INPP4B: variants seen among roughly 807,000 people sequenced by gnomAD.
INPP4B encodes inositol polyphosphate-4-phosphatase type II B, also known as inositol polyphosphate 4-phosphatase type II.
INPP4B carries 55 observed loss-of-function variants against 122.5 expected under a neutral mutation model. The ratio of observed to expected loss-of-function variants is 0.45; its 90% CI spans 0.36 to 0.56. The LOEUF is 0.56. Ranked by LOEUF, INPP4B falls within the 20% of genes least tolerant of loss-of-function variation. The pLI is 0.00. For missense variants in INPP4B, 1,000 were observed against 1,097.7 expected (o/e 0.91, Z 1.26); for synonymous variants, 403 against 388.7 (o/e 1.04, Z -0.43).
chr4:142,606,946 T>G (rs1741393834), intron 2 of INPP4B, among the ~76,000 whole-genome samples: 1 of 151,966 alleles, frequency 6.6e-6, no homozygotes. Flanking sequence ...TAATGCATAA[T>G]CATTATAGAA....
rs998223449 is a variant in INPP4B at position 142,410,615 on chromosome 4, AT to A, written c.137-5292del. 4.3e-4 allele frequency among the ~76,000 whole-genome samples: 65 copies of A among 152,216 alleles called. 2 individuals are homozygous for A. Among genetic ancestry groups the A allele is most frequent in the Admixed American group, 1.8e-3 (28 of 15,298 alleles). On this transcript the variant is annotated intron_variant, in intron 5 of 25. Coordinates refer to ENST00000262992, the MANE Select transcript of INPP4B (RefSeq NM_001101669.3). ...ACCATAGTGTATGGAGGATAAAGAA[AT>A]TTTTTTTAACTTAAGATAAAACCTT...
At chr4:142,759,825 T>TAAA (rs70949188) in intron 1 of INPP4B, among the ~76,000 whole-genome samples, 1,559 of 70,022 alleles carry the variant, frequency 0.022, 61 homozygotes, top group Admixed American at 0.06. Flanking sequence ...GAGCTTTTTC[T>TAAA]AAAAAAAAAA....
chr4:142,712,200 A>C (rs1035634408), intron 2 of INPP4B, among the ~76,000 whole-genome samples: 16 of 152,138 alleles, frequency 1.1e-4, no homozygotes, highest in African/African-American at 3.9e-4. Context: ...CAGCTTCTAG[A>C]ATTGTTAGAA....
Position 142,373,180 on chromosome 4 carries a change from G to A in INPP4B, c.372+29758C>T, listed in dbSNP as rs557083121. Reference sequence around the variant, plus strand: ...GATTGAAGAGCCAAGTCCTGTATGTGTCATAAATTCTATTTTTGCATCTTT... The same window carrying A: ...GATTGAAGAGCCAAGTCCTGTATGTATCATAAATTCTATTTTTGCATCTTT... On this transcript the variant is annotated intron_variant, in intron 7 of 25. Coordinates refer to ENST00000262992, the MANE Select transcript of INPP4B (RefSeq NM_001101669.3). 2.3e-4 allele frequency among the ~76,000 whole-genome samples: 35 copies of A among 152,108 alleles called. 1 individual carries two copies. The South Asian group carries it at 6.6e-3, about 29-fold the overall frequency.
At chr4:142,612,411 T>A (rs1009940523) in intron 2 of INPP4B, among the ~76,000 whole-genome samples, 1 of 152,234 alleles carries the variant, frequency 6.6e-6, no homozygotes, top group Non-Finnish European at 1.5e-5. Context: ...CCATTCTTTA[T>A]GTCTTAGTCC....
Position 142,782,745 on chromosome 4 carries a change from C to T in INPP4B, c.-253-56844G>A, listed in dbSNP as rs557502086. 2.9e-4 allele frequency among the ~76,000 whole-genome samples: 44 copies of T among 152,260 alleles called. 1 individual carries two copies. The highest frequency in any genetic ancestry group is 6.8e-3 in the Middle Eastern group (2 of 294). ...TCTCTGATGGCCAGTGATGGTGTCA[C>T]GCTACCTGACTTCAAACTATACTAC... On this transcript the variant is annotated intron_variant, in intron 1 of 25. Coordinates refer to ENST00000262992, the MANE Select transcript of INPP4B (RefSeq NM_001101669.3).
chr4:142,248,518 T>A (rs185660580), intron 11 of INPP4B, among the ~76,000 whole-genome samples: 1 of 152,046 alleles, frequency 6.6e-6, no homozygotes, highest in East Asian at 1.9e-4. Context: ...TTTGTATTTT[T>A]AGTAGAGACG....
At chr4:142,656,508 T>C (rs146435643) in intron 2 of INPP4B, among the ~76,000 whole-genome samples, 172 of 152,260 alleles carry the variant, frequency 1.1e-3, no homozygotes, top group African/African-American at 3.9e-3. Flanking sequence ...TCCTTCCTTT[T>C]TCGGGACTCA....
intron 2 of INPP4B, chr4:142,496,788 C>T (rs1243668142): frequency 6.6e-6 from 1 of 152,128 alleles, no homozygotes; most frequent in African/African-American, 2.4e-5. Context: ...CACATCTCTG[C>T]TTCAGTTCAT....
intron 7 of INPP4B, among the ~76,000 whole-genome samples, chr4:142,386,658 C>T (rs1796063829): frequency 6.6e-6 from 1 of 152,222 alleles, no homozygotes; most frequent in South Asian, 2.1e-4. Context: ...CCGTACCTCA[C>T]TTCTGATATC....
chr4:142,522,804 A>G (rs1826275387), intron 2 of INPP4B, among the ~76,000 whole-genome samples: 1 of 152,076 alleles, frequency 6.6e-6, no homozygotes, highest in East Asian at 1.9e-4. Context: ...CTTACTACAA[A>G]TGAATTTCTT....
At chr4:142,435,450 A>C (rs754324941) in intron 3 of INPP4B, among the ~76,000 whole-genome samples, 10 of 102,198 alleles carry the variant, frequency 9.8e-5, no homozygotes, top group African/African-American at 8.2e-4. Context: ...CCTTTAAGAT[A>C]AAAAAAAAAG....
intron 1 of INPP4B, among the ~76,000 whole-genome samples, chr4:142,726,448 C>T (rs1320271668): frequency 1.3e-5 from 2 of 152,134 alleles, no homozygotes; most frequent in African/African-American, 4.8e-5. Flanking sequence ...AATTTCAGAG[C>T]TTTTCTATGC....
At chr4:142,059,713 G>A (rs949911203) in intron 25 of INPP4B, among the ~76,000 whole-genome samples, 3 of 152,020 alleles carry the variant, frequency 2.0e-5, no homozygotes, top group African/African-American at 7.2e-5. Flanking sequence ...ATCAACCAAG[G>A]TCAGCCTACA....
chr4:142,030,234 G>A, intron 25 of INPP4B: 1 of 1,535,566 alleles, frequency 6.5e-7, no homozygotes, highest in Non-Finnish European at 8.7e-7. Flanking sequence ...TCGAGAAGTT[G>A]GCTTGTTATC....
intron 2 of INPP4B, among the ~76,000 whole-genome samples, chr4:142,715,818 C>G (rs1240771952): frequency 2.0e-5 from 3 of 152,190 alleles, no homozygotes; most frequent in Non-Finnish European, 4.4e-5. Flanking sequence ...TAGCTTTTCT[C>G]TGTTTCACTC....
At chr4:142,720,363 T>C (rs903916872) in intron 2 of INPP4B, among the ~76,000 whole-genome samples, 2 of 152,128 alleles carry the variant, frequency 1.3e-5, no homozygotes, top group African/African-American at 4.8e-5. Context: ...AGTGGCATAC[T>C]TTTTAAAACA....
intron 2 of INPP4B, among the ~76,000 whole-genome samples, chr4:142,678,559 T>C (rs1758144338): frequency 6.6e-6 from 1 of 151,892 alleles, no homozygotes. Flanking sequence ...TGAAAGACTA[T>C]GATTCTATGA....
intron 12 of INPP4B, among the ~76,000 whole-genome samples, chr4:142,237,003 C>T (rs1173233967): frequency 6.6e-6 from 1 of 152,084 alleles, no homozygotes; most frequent in Non-Finnish European, 1.5e-5. Flanking sequence ...AATGCTATTA[C>T]AGGTTTGTTT....
Sources: allele counts gnomAD v4.1 joint callset (sites outside exome capture counted in the v4.1 genomes callset), GRCh38; gene constraint gnomAD v4.1.1; transcripts MANE v1.5; gene names NCBI Gene and HGNC (gene_info 2026-07-23, HGNC 2026-07-21).